Variants in ARHGAP17 observed in about 807,000 individuals in gnomAD.
ARHGAP17 encodes Rho GTPase activating protein 17, also known as rho GTPase-activating protein 17.
A neutral mutation model predicts 99.5 loss-of-function variants in ARHGAP17; 57 were observed. The observed-to-expected ratio is 0.57, with a 90% CI of 0.46 to 0.71. The LOEUF is 0.71. Ranked by LOEUF, ARHGAP17 falls within the 30% of genes least tolerant of loss-of-function variation. The pLI is 0.00. For missense variants in ARHGAP17, 1,000 were observed against 1,122.4 expected (o/e 0.89, Z 1.56); for synonymous variants, 417 against 429.6 (o/e 0.97, Z 0.36).
At chr16:24,953,984 C>T (rs945893516) in intron 10 of ARHGAP17, among the ~76,000 whole-genome samples, 1 of 151,876 alleles carries the variant, frequency 6.6e-6, no homozygotes, top group African/African-American at 2.4e-5. Context: ...AGCTGTACAC[C>T]TATGATATGT....
At chr16:24,993,995 G>A (rs769476768) in intron 1 of ARHGAP17, among the ~76,000 whole-genome samples, 5 of 152,186 alleles carry the variant, frequency 3.3e-5, no homozygotes, top group African/African-American at 7.2e-5. Flanking sequence ...AATGTTGCAC[G>A]GTTTAAACAG....
rs1431365358 is a variant in ARHGAP17 at position 24,942,109 on chromosome 16, A to C, written c.1368T>G (p.Pro456=). The part of the protein sequence containing the change: ...VEFNVSEAFV[P]LTTPSSNHSF... ...AGTGATTAGAACTCGGGGTGGTGAG[A>C]GGTACAAATGCTTCTGATACATTAA... Residue 456 remains proline (P), a synonymous_variant, in exon 16 of 20, where the codon CCT becomes CCG. Transcript: ENST00000289968. The C allele has an allele frequency of 1.3e-6, 2 of 1,551,522 alleles. No individual in the cohort carries two copies. The highest frequency in any genetic ancestry group is 1.8e-6 in the Non-Finnish European group (2 of 1,142,638).
intron 7 of ARHGAP17, among the ~76,000 whole-genome samples, chr16:24,962,146 T>A (rs2052029305): frequency 6.7e-6 from 1 of 148,966 alleles, no homozygotes; most frequent in African/African-American, 2.5e-5. Context: ...AACCCCACCA[T>A]ACACACACAC....
rs1567212793 is a variant in ARHGAP17, at chr16:24,935,575, T to C, written c.1789A>G (p.Ile597Val). The C allele has an allele frequency of 6.2e-7, 1 of 1,614,176 alleles. No individual in the cohort carries two copies. The highest frequency in any genetic ancestry group is 1.7e-5 in the Admixed American group (1 of 60,018). The change falls in exon 18 of 20, where the codon ATA (isoleucine) becomes GTA (valine). Residue 597 changes from isoleucine to valine, a missense_variant. Ile to Val is a conservative substitution (Grantham distance 29). This residue lies in a region of ARHGAP17 where 528 missense variants were observed against 511.4 expected (regional missense o/e 1.03). Transcript: ENST00000289968. ...TGGGGCTGATTTTGGCCAGATGCTA[T>C]CTGACTGTTGTTTCTCCCTGGTGCT... ...VPAPGRNNSQ[I>V]ASGQNQPQAA...
At chr16:24,981,113 C>G (rs1396550497) in intron 1 of ARHGAP17, among the ~76,000 whole-genome samples, 1 of 152,214 alleles carries the variant, frequency 6.6e-6, no homozygotes, top group African/African-American at 2.4e-5. Context: ...CTAGAGCCAA[C>G]TCAGACCAAC....
At chr16:25,012,926 G>A (rs958743206) in intron 1 of ARHGAP17, among the ~76,000 whole-genome samples, 1 of 152,046 alleles carries the variant, frequency 6.6e-6, no homozygotes. Context: ...CACCACCAAG[G>A]CGATCTAGTA....
In ARHGAP17 at chr16:24,930,969, T is replaced by C. The variant is rs778080427; in HGVS notation, c.2330A>G (p.Gln777Arg). ...GKQNPSLPAPQTLAGGNPETA... is the reference protein window; with the variant it reads ...GKQNPSLPAPRTLAGGNPETA... ...TTCAGGGTTACCCCCTGCCAGGGTC[T>C]GAGGAGCTGGCAGACTGGGGTTCTG... Residue 777 changes from glutamine to arginine, a missense_variant, in exon 19 of 20, where the codon CAG (glutamine) becomes CGG (arginine). Transcript: ENST00000289968. The C allele has an allele frequency of 6.2e-7, 1 of 1,613,424 alleles. No individual in the cohort carries two copies. The highest frequency in any genetic ancestry group is 1.1e-5 in the South Asian group (1 of 91,026).
In ARHGAP17 at chr16:24,931,023, G is replaced by C; in HGVS notation, c.2276C>G (p.Thr759Arg). 2 of 1,612,266 alleles carry C rather than the reference G, an allele frequency of 1.2e-6. No homozygotes were observed. Among genetic ancestry groups the C allele is most frequent in the Non-Finnish European group, 1.7e-6 (2 of 1,179,106 alleles). Reference sequence around the variant, plus strand: ...TCCTAGGGGCGGAGTACTGGGGGGCGTTGGAGTCTGGGGAGGGGTGTGAGA... The same window carrying C: ...TCCTAGGGGCGGAGTACTGGGGGGCCTTGGAGTCTGGGGAGGGGTGTGAGA... ...QPSHTPPQTP[T>R]PPSTPPLGKQ... The change falls in exon 19 of 20, where the codon ACG (threonine) becomes AGG (arginine). Residue 759 changes from threonine to arginine, a missense_variant. This residue lies in a region of ARHGAP17 where 528 missense variants were observed against 511.4 expected (regional missense o/e 1.03). Transcript: ENST00000289968.
intron 1 of ARHGAP17, among the ~76,000 whole-genome samples, chr16:24,989,761 GA>G (rs1233661289): frequency 6.6e-6 from 1 of 152,152 alleles, no homozygotes; most frequent in Non-Finnish European, 1.5e-5. Context: ...GTCAGACACA[GA>G]AAGATATATA....
chr16:24,961,389 G>A (rs114812627), intron 7 of ARHGAP17, among the ~76,000 whole-genome samples: 2 of 151,450 alleles, frequency 1.3e-5, no homozygotes, highest in Non-Finnish European at 2.9e-5. Context: ...GACAGGCTGA[G>A]TGTGGTGGCT....
At chr16:25,013,460 A>G (rs2141558593) in intron 1 of ARHGAP17, among the ~76,000 whole-genome samples, 1 of 152,292 alleles carries the variant, frequency 6.6e-6, no homozygotes, top group Non-Finnish European at 1.5e-5. Flanking sequence ...CCACTCTACA[A>G]AAAATACAAA....
Position 24,919,486 on chromosome 16 carries a change from A to C in ARHGAP17, c.*644T>G, listed in dbSNP as rs1437248973. The C allele has an allele frequency of 2.0e-5, 3 of 152,608 alleles. No homozygotes were observed. The highest frequency in any genetic ancestry group is 4.4e-5 in the Non-Finnish European group (3 of 68,026). 9.5% of individuals were successfully genotyped at this position (152,608 alleles called of 1,614,324 possible). ...AGTAGCAATTACATTGTTTAAAAAA[A>C]AAAAAAAGAACAGTACATTTCTGTC... On this transcript the variant is annotated 3_prime_UTR_variant, in exon 20 of 20. Transcript: ENST00000289968.
At chr16:24,980,323 C>T (rs2052638901) in intron 1 of ARHGAP17, among the ~76,000 whole-genome samples, 1 of 152,222 alleles carries the variant, frequency 6.6e-6, no homozygotes, top group Non-Finnish European at 1.5e-5. Context: ...GATTCTAACA[C>T]TTGTCATCAT....
chr16:24,920,120 AG>A lies in ARHGAP17; in HGVS notation c.*9del. 1 of 1,611,164 alleles carries A rather than the reference AG, an allele frequency of 6.2e-7. No homozygotes were observed. The highest frequency in any genetic ancestry group is 8.5e-7 in the Non-Finnish European group (1 of 1,177,802). On this transcript the variant is annotated 3_prime_UTR_variant, in exon 20 of 20. Transcript: ENST00000289968. ...GGTGGAAGTGGTGGAGGGCTGGGAA[AG>A]GGCTTTCTTCACAGGGCAGTGCTCT...
Position 24,947,556 on chromosome 16 carries a change from G to A in ARHGAP17, c.1167C>T (p.Ser389=), listed in dbSNP as rs766834276. The change falls in exon 14 of 20, where the codon AGC becomes AGT. Residue 389 remains serine, a synonymous_variant. Transcript: ENST00000289968. ...TGCTGGGAGTCATTTTATTCACATC[G>A]CTGGTCTGAGCAAGCTTTGCAAGGA... ...IKFLAKLAQT[S]DVNKMTPSNI... 9.3e-6 allele frequency: 15 copies of A among 1,612,974 alleles called. No individual in the cohort carries two copies. The highest frequency in any genetic ancestry group is 6.7e-5 in the African/African-American group (5 of 74,914).
Position 24,920,453 on chromosome 16 carries a change from C to G in ARHGAP17, c.2516-193G>C, listed in dbSNP as rs2050692050. ...GTGACCCCAGAGGGCAGCTGAGTAG[C>G]ACAGCCTTGCCTCTGGGCTCCGACG... On this transcript the variant is annotated intron_variant, in intron 19 of 19. Coordinates refer to ENST00000289968, the MANE Select transcript of ARHGAP17 (RefSeq NM_001006634.3). 3.3e-5 allele frequency: 20 copies of G among 598,960 alleles called. No homozygotes were observed. In the East Asian group the frequency reaches 6.0e-4, roughly 18 times the overall value. 37.1% of individuals were successfully genotyped at this position (598,960 alleles called of 1,614,324 possible).
At chr16:25,006,805 G>A (rs996044017) in intron 1 of ARHGAP17, among the ~76,000 whole-genome samples, 7 of 152,174 alleles carry the variant, frequency 4.6e-5, no homozygotes, top group South Asian at 2.1e-4. Context: ...CCAATTTGAG[G>A]AAGAAGTTCA....
chr16:24,956,878 T>C (rs2051824807), intron 9 of ARHGAP17: 1 of 152,246 alleles, frequency 6.6e-6, no homozygotes, highest in African/African-American at 2.4e-5. Context: ...GTGTTTGCCA[T>C]TGGCTTCAGC....
At chr16:24,977,533 G>A (rs552599236) in intron 2 of ARHGAP17, 13 of 375,964 alleles carry the variant, frequency 3.5e-5, no homozygotes, top group South Asian at 2.0e-4. Context: ...TGAATGATCC[G>A]GGCCCAGACC....
Sources: gnomAD v4.1 joint callset for allele counts (sites outside exome capture counted in the v4.1 genomes callset) on GRCh38, gnomAD v4.1.1 for gene constraint, gnomAD v4.1.1 regional missense constraint, MANE v1.5 for transcripts, NCBI Gene and HGNC (gene_info 2026-07-23, HGNC 2026-07-21) for gene names.